TMEM108: variants seen among roughly 807,000 people sequenced by gnomAD.
TMEM108 encodes the protein cancer/testis antigen 124.
Under a neutral mutation model 35.1 loss-of-function variants are expected in TMEM108, and 12 were observed. The observed-to-expected ratio is 0.34, with a 90% CI of 0.22 to 0.55. TMEM108 has a LOEUF of 0.55. Ranked by LOEUF, TMEM108 falls within the 20% of genes least tolerant of loss-of-function variation. The pLI is 0.89. For missense variants in TMEM108, 680 were observed against 753.3 expected (o/e 0.90, Z 1.14); for synonymous variants, 287 against 308.6 (o/e 0.93, Z 0.73).
intron 3 of TMEM108, among the ~76,000 whole-genome samples, chr3:133,372,256 T>G (rs1170591270): frequency 6.6e-6 from 1 of 152,196 alleles, no homozygotes; most frequent in Admixed American, 6.5e-5. Flanking sequence ...TTTCTCAGTT[T>G]CCAGGATTTC....
chr3:133,392,531 T>C (rs2073249769), intron 5 of TMEM108, among the ~76,000 whole-genome samples: 1 of 152,168 alleles, frequency 6.6e-6, no homozygotes, highest in Admixed American at 6.5e-5. Flanking sequence ...TCCAGATTTC[T>C]ACCTGTAACC....
chr3:133,246,369 A>G (rs1422378724), intron 3 of TMEM108: 2 of 152,170 alleles, frequency 1.3e-5, no homozygotes, highest in East Asian at 3.8e-4. Context: ...CCAGGAATAC[A>G]TGACTGTGCC....
At chr3:133,152,006 A>C (rs1944808773) in intron 2 of TMEM108, among the ~76,000 whole-genome samples, 1 of 152,146 alleles carries the variant, frequency 6.6e-6, no homozygotes, top group African/African-American at 2.4e-5. Flanking sequence ...GCTGACCTGC[A>C]CAAATCGGGT....
intron 4 of TMEM108, chr3:133,387,485 G>A (rs192880410): frequency 4.9e-5 from 48 of 985,468 alleles, no homozygotes; most frequent in Middle Eastern, 5.2e-4. Flanking sequence ...AGGCCTTCCC[G>A]CAGGGCAGGA....
At chr3:133,345,470 C>T (rs1248636610) in intron 3 of TMEM108, among the ~76,000 whole-genome samples, 1 of 151,614 alleles carries the variant, frequency 6.6e-6, no homozygotes, top group Non-Finnish European at 1.5e-5. Context: ...ATCATTAAAA[C>T]CAGGATTAAA....
intron 3 of TMEM108, among the ~76,000 whole-genome samples, chr3:133,234,014 TC>T (rs36190138): frequency 0.03 from 4,512 of 151,906 alleles, 92 homozygotes; most frequent in Non-Finnish European, 0.049. Context: ...GATGGTAGTT[TC>T]TTTTGCTGTG....
In TMEM108 at chr3:133,379,783, G is replaced by T. The variant is rs139376732; in HGVS notation, c.72G>T (p.Ala24=). 1.2e-6 allele frequency: 2 copies of T among 1,613,710 alleles called. No homozygotes were observed. Among genetic ancestry groups the T allele is most frequent in the Non-Finnish European group, 1.7e-6 (2 of 1,179,874 alleles). ...SFLLILALTE[A]LAFAIQEPSP... ...TGCTGATCTTGGCACTGACCGAAGCGCTGGCATTTGCCATCCAGGAACCAT... is the reference window on the plus strand; with the variant it reads ...TGCTGATCTTGGCACTGACCGAAGCTCTGGCATTTGCCATCCAGGAACCAT... The change falls in exon 4 of 6, where the codon GCG becomes GCT. Residue 24 remains alanine (A), a synonymous_variant. Transcript: ENST00000321871.
intron 3 of TMEM108, among the ~76,000 whole-genome samples, chr3:133,312,502 C>T (rs2071144492): frequency 6.6e-6 from 1 of 152,244 alleles, no homozygotes. Flanking sequence ...GCTGCACTAG[C>T]TGTGAGCAAG....
At chr3:133,059,249 ACATT>A (rs998352119) in intron 2 of TMEM108, among the ~76,000 whole-genome samples, 2 of 152,214 alleles carry the variant, frequency 1.3e-5, no homozygotes, top group African/African-American at 4.8e-5. Context: ...GGGAACACAA[ACATT>A]CAGTCTGTTG....
chr3:133,192,007 C>T (rs1156375261), intron 2 of TMEM108, among the ~76,000 whole-genome samples: 1 of 151,710 alleles, frequency 6.6e-6, no homozygotes, highest in African/African-American at 2.4e-5. Flanking sequence ...AGATTAGTTT[C>T]CCAGCTCTGC....
chr3:133,353,258 T>A lies in TMEM108; in HGVS notation c.41-26494T>A, dbSNP rs182309440. On this transcript the variant is annotated intron_variant, in intron 3 of 5. Transcript: ENST00000321871. The stretch of plus-strand genomic sequence containing the variant: ...TTCAGGGAAGTCAGGGTATTAATAA[T>A]GCCACCCTTATCCACACATTCCAAC... Among the ~76,000 whole-genome samples the A allele has an allele frequency of 2.8e-3, 421 of 152,220 alleles. 1 individual carries two copies. Among genetic ancestry groups the A allele is most frequent in the Non-Finnish European group, 3.5e-3 (241 of 67,986 alleles).
chr3:133,115,637 G>A (rs1944279057), intron 2 of TMEM108, among the ~76,000 whole-genome samples: 1 of 152,232 alleles, frequency 6.6e-6, no homozygotes, highest in Non-Finnish European at 1.5e-5. Context: ...GGCAAGAAAG[G>A]CCATGCCTCT....
Position 133,231,303 on chromosome 3 carries a change from A to G in TMEM108, c.40+1952A>G, listed in dbSNP as rs543730262. On this transcript the variant is annotated intron_variant, in intron 3 of 5. Coordinates refer to ENST00000321871, the MANE Select transcript of TMEM108 (RefSeq NM_023943.4). ...CTGGTTTTTCATTATTACATAACAA[A>G]CTAGTCTAAAACCTTGTGGCTTAAA... Among the ~76,000 whole-genome samples the G allele has an allele frequency of 3.3e-5, 5 of 152,308 alleles. No individual in the cohort carries two copies. In the South Asian group the frequency reaches 1.0e-3, roughly 32 times the overall value.
chr3:133,304,008 C>T (rs182783421), intron 3 of TMEM108, among the ~76,000 whole-genome samples: 15 of 152,282 alleles, frequency 9.9e-5, no homozygotes, highest in African/African-American at 3.6e-4. Flanking sequence ...GATCCAGCTT[C>T]AACCCATAGT....
chr3:133,282,778 T>A (rs1267992254), intron 3 of TMEM108, among the ~76,000 whole-genome samples: 1 of 152,126 alleles, frequency 6.6e-6, no homozygotes, highest in Non-Finnish European at 1.5e-5. Flanking sequence ...TTTGTAATAA[T>A]GAAAAGTGGG....
At chr3:133,119,858 C>T (rs895621193) in intron 2 of TMEM108, among the ~76,000 whole-genome samples, 1 of 152,150 alleles carries the variant, frequency 6.6e-6, no homozygotes, top group Non-Finnish European at 1.5e-5. Flanking sequence ...TACGTGCCCC[C>T]AAATCTCTTG....
chr3:133,085,120 T>C (rs1480401055), intron 2 of TMEM108, among the ~76,000 whole-genome samples: 1 of 152,236 alleles, frequency 6.6e-6, no homozygotes, highest in Admixed American at 6.5e-5. Context: ...TTTATATTTT[T>C]AAATCTCATC....
At chr3:133,394,996 C>G (rs1017475325) in intron 5 of TMEM108, among the ~76,000 whole-genome samples, 1 of 152,206 alleles carries the variant, frequency 6.6e-6, no homozygotes, top group African/African-American at 2.4e-5. Flanking sequence ...TTGGAAGAAG[C>G]TATGACTTTC....
intron 3 of TMEM108, among the ~76,000 whole-genome samples, chr3:133,244,147 G>A (rs1946352538): frequency 6.6e-6 from 1 of 152,180 alleles, no homozygotes; most frequent in African/African-American, 2.4e-5. Context: ...GCCAAGCTCT[G>A]TTTAAACATT....
Sources: gnomAD v4.1 joint callset for allele counts (sites outside exome capture counted in the v4.1 genomes callset) on GRCh38, gnomAD v4.1.1 for gene constraint, MANE v1.5 for transcripts, NCBI Gene and HGNC (gene_info 2026-07-23, HGNC 2026-07-21) for gene names.